DYNC1I1: variants seen among roughly 807,000 people sequenced by gnomAD.
DYNC1I1 encodes the protein dynein cytoplasmic 1 intermediate chain 1.
In DYNC1I1, 43 loss-of-function variants were observed where a neutral mutation model predicts 86.6. The observed-to-expected ratio is 0.50, with a 90% CI of 0.39 to 0.64. The LOEUF (loss-of-function observed/expected upper bound fraction) is 0.64, where lower values mean the gene tolerates loss of function less well. Ranked by LOEUF, DYNC1I1 falls within the 30% of genes least tolerant of loss-of-function variation. DYNC1I1 has a pLI of 0.00. For missense variants in DYNC1I1, 604 were observed against 788.8 expected (o/e 0.77, Z 2.81); for synonymous variants, 262 against 283.7 (o/e 0.92, Z 0.77).
rs372192569 is a variant in DYNC1I1 at position 95,854,590 on chromosome 7, G to C, written c.375-15293G>C. Among the ~76,000 whole-genome samples the C allele has an allele frequency of 1.4e-3, 211 of 152,220 alleles. 4 individuals are homozygous for C. In the South Asian group the frequency reaches 0.041, roughly 29 times the overall value. ...TTTACACACCACCATTGCAGTATTA[G>C]ATTATTCTGAATTTGACTGTGCACT... On this transcript the variant is annotated intron_variant, in intron 5 of 16. Coordinates refer to ENST00000447467, the MANE Select transcript of DYNC1I1 (RefSeq NM_001135556.2).
At chr7:95,915,605 T>C (rs2116357660) in intron 6 of DYNC1I1, among the ~76,000 whole-genome samples, 1 of 152,312 alleles carries the variant, frequency 6.6e-6, no homozygotes, top group Non-Finnish European at 1.5e-5. Context: ...TGTGAGAAAC[T>C]CTCACTGTAT....
chr7:95,906,436 C>CT (rs1562939920), intron 6 of DYNC1I1, among the ~76,000 whole-genome samples: 1 of 151,988 alleles, frequency 6.6e-6, no homozygotes, highest in Non-Finnish European at 1.5e-5. Context: ...ATGCCTTTTC[C>CT]TTTTTTTATA....
At chr7:96,099,069 T>C (rs1791087925), downstream of DYNC1I1, among the ~76,000 whole-genome samples, 1 of 152,182 alleles carries the variant, frequency 6.6e-6, no homozygotes, top group Admixed American at 6.5e-5. Flanking sequence ...GTATCTGGAA[T>C]AGGTTTAAAA....
intron 2 of DYNC1I1, 135 bp downstream of exon 2, chr7:95,804,972 T>G: frequency 7.2e-7 from 1 of 1,387,240 alleles, no homozygotes; most frequent in Non-Finnish European, 9.4e-7. Context: ...ATCTTCCTAT[T>G]CTGCATGGTA....
chr7:95,906,284 T>C (rs1791174285), intron 6 of DYNC1I1, among the ~76,000 whole-genome samples: 1 of 152,194 alleles, frequency 6.6e-6, no homozygotes, highest in Non-Finnish European at 1.5e-5. Context: ...GCAAGTTACT[T>C]AATCCCCTTG....
rs568833657 is a variant in DYNC1I1 at position 95,825,783 on chromosome 7, A to G, written c.315-2274A>G. On this transcript the variant is annotated intron_variant, in intron 4 of 16. Transcript: ENST00000447467. ...TTAGATGCTAATGTATTTGAGCTTC[A>G]GTGATGCTTTCTGCATGCTGACTAC... Among the ~76,000 whole-genome samples the G allele has an allele frequency of 2.6e-5, 4 of 152,332 alleles. No individual in the cohort carries two copies. In the East Asian group the frequency reaches 7.7e-4, roughly 29 times the overall value.
intron 14 of DYNC1I1, among the ~76,000 whole-genome samples, chr7:96,047,933 G>A (rs1789267041): frequency 6.6e-6 from 1 of 152,168 alleles, no homozygotes; most frequent in Non-Finnish European, 1.5e-5. Flanking sequence ...GACCATGTCA[G>A]GTTTAGGATA....
At chr7:95,979,889 A>C (rs969911008) in intron 7 of DYNC1I1, among the ~76,000 whole-genome samples, 1 of 152,196 alleles carries the variant, frequency 6.6e-6, no homozygotes, top group South Asian at 2.1e-4. Flanking sequence ...AAAGTTGGTG[A>C]GTAGAATATC....
chr7:96,049,210 AGT>A (rs533341388), intron 14 of DYNC1I1, among the ~76,000 whole-genome samples: 13 of 145,132 alleles, frequency 9.0e-5, no homozygotes, highest in Non-Finnish European at 1.8e-4. Flanking sequence ...GTGAGCCAAG[AGT>A]GTGCCACTGC....
chr7:95,776,695 G>C (rs1461770656), intron 1 of DYNC1I1, among the ~76,000 whole-genome samples: 1 of 152,194 alleles, frequency 6.6e-6, no homozygotes, highest in Non-Finnish European at 1.5e-5. Context: ...GGACATTTTT[G>C]TGGCATTTCA....
chr7:95,858,183 T>G (rs1433287527), intron 5 of DYNC1I1, among the ~76,000 whole-genome samples: 1 of 152,244 alleles, frequency 6.6e-6, no homozygotes, highest in Non-Finnish European at 1.5e-5. Flanking sequence ...GCAATAGTCA[T>G]AACTGATTTT....
intron 10 of DYNC1I1, among the ~76,000 whole-genome samples, chr7:96,001,086 G>T (rs985855834): frequency 3.9e-5 from 6 of 152,118 alleles, no homozygotes. Flanking sequence ...GTGCACACAT[G>T]TTGTCAACAC....
chr7:95,832,552 C>T lies in DYNC1I1; in HGVS notation c.374+4436C>T, dbSNP rs1788940398. On this transcript the variant is annotated intron_variant, in intron 5 of 16. Coordinates refer to ENST00000447467, the MANE Select transcript of DYNC1I1 (RefSeq NM_001135556.2). ...CCCTGAGGAATTGCCACACTGACTTCCACAATGGTTGAACTAGTTTACAGT... is the reference window on the plus strand; with the variant it reads ...CCCTGAGGAATTGCCACACTGACTTTCACAATGGTTGAACTAGTTTACAGT... Among the ~76,000 whole-genome samples, 3 of 152,022 alleles carry T rather than the reference C, an allele frequency of 2.0e-5. No individual in the cohort carries two copies. The South Asian group carries it at 6.2e-4, about 32-fold the overall frequency.
intron 6 of DYNC1I1, among the ~76,000 whole-genome samples, chr7:95,976,390 G>T (rs1793303333): frequency 1.3e-5 from 2 of 152,120 alleles, no homozygotes; most frequent in African/African-American, 2.4e-5. Context: ...TCTGTAAGTT[G>T]CTTACTTAGA....
intron 6 of DYNC1I1, among the ~76,000 whole-genome samples, chr7:95,968,112 G>A (rs1793063753): frequency 6.6e-6 from 1 of 151,880 alleles, no homozygotes; most frequent in South Asian, 2.1e-4. Context: ...TTTGTAGCAA[G>A]AGTAGGCGTG....
In DYNC1I1 at chr7:95,898,284, C is replaced by T. The variant is rs533106457; in HGVS notation, c.490+28286C>T. On this transcript the variant is annotated intron_variant, in intron 6 of 16. Transcript: ENST00000447467. The stretch of plus-strand genomic sequence containing the variant: ...GGTTTTGTGTTAATTTAGGAAATCC[C>T]GTAGAGTTTTCAGCCAATTGTCTCA... Among the ~76,000 whole-genome samples, 88 of 152,274 alleles carry T rather than the reference C, an allele frequency of 5.8e-4. 1 individual carries two copies. The South Asian group carries it at 7.1e-3, about 12-fold the overall frequency.
intron 5 of DYNC1I1, among the ~76,000 whole-genome samples, chr7:95,841,827 C>G (rs926264469): frequency 4.6e-5 from 7 of 152,170 alleles, no homozygotes; most frequent in Non-Finnish European, 8.8e-5. Context: ...CAATCTAACC[C>G]CTTCTAGGGA....
intron 6 of DYNC1I1, among the ~76,000 whole-genome samples, chr7:95,952,571 C>T (rs1792588910): frequency 1.3e-5 from 2 of 152,148 alleles, no homozygotes; most frequent in Non-Finnish European, 2.9e-5. Flanking sequence ...AGGTTCTAAA[C>T]TGAAATCTTC....
intron 7 of DYNC1I1, among the ~76,000 whole-genome samples, chr7:95,979,613 C>T (rs1793400319): frequency 6.6e-6 from 1 of 152,170 alleles, no homozygotes; most frequent in Non-Finnish European, 1.5e-5. Context: ...AAATGTGGAA[C>T]TTTCAATAGA....
Sources: allele counts gnomAD v4.1 joint callset (sites outside exome capture counted in the v4.1 genomes callset), GRCh38; gene constraint gnomAD v4.1.1; transcripts MANE v1.5; gene names NCBI Gene and HGNC (gene_info 2026-07-23, HGNC 2026-07-21).